Variants in RRAS2 observed in about 807,000 individuals in gnomAD.
The protein encoded by RRAS2 is RAS related 2, also known as ras-related protein R-Ras2.
RRAS2 carries 7 observed loss-of-function variants against 27.6 expected under a neutral mutation model. The observed-to-expected ratio is 0.25, with a 90% CI of 0.14 to 0.48. The LOEUF (loss-of-function observed/expected upper bound fraction) is 0.48. Ranked by LOEUF, RRAS2 falls within the 20% of genes least tolerant of loss-of-function variation. RRAS2 has a pLI of 0.99. For missense variants in RRAS2, 178 were observed against 256.2 expected, an observed-to-expected ratio of 0.69 and a Z score of 2.08; for synonymous variants, 86 against 90.9, an observed-to-expected ratio of 0.95 and a Z score of 0.31.
chr11:14,308,731 TA>T (rs1191151435), intron 1 of RRAS2, among the ~76,000 whole-genome samples: 22 of 152,328 alleles, frequency 1.4e-4, no homozygotes, highest in African/African-American at 4.3e-4. Context: ...AAGAGTTTTT[TA>T]CAAGGAGTAA....
At position 14,319,271 on chromosome 11, in the gene RRAS2, A is replaced by C. The variant is rs11828311; in HGVS notation, c.109-23416T>G. On this transcript the variant is annotated intron_variant, in intron 1 of 5. Transcript: ENST00000256196. ...TGGCAATAATGCCAAGCAGGAAAAG[A>C]AGCTTTTCCCAAGGTATGTGAGTAA... 9.9e-3 allele frequency among the ~76,000 whole-genome samples: 1,505 copies of C among 152,048 alleles called. 26 individuals are homozygous for C. Among genetic ancestry groups the C allele is most frequent in the African/African-American group, 0.035 (1,439 of 41,486 alleles).
chr11:14,302,198 A>ACTC (rs1554947532), intron 1 of RRAS2, among the ~76,000 whole-genome samples: 1 of 151,934 alleles, frequency 6.6e-6, no homozygotes, highest in Non-Finnish European at 1.5e-5. Flanking sequence ...CACTACACAC[A>ACTC]GATATCAGGT....
intron 4 of RRAS2, among the ~76,000 whole-genome samples, chr11:14,290,100 A>G (rs80247985): frequency 0.025 from 3,751 of 151,874 alleles, 60 homozygotes; most frequent in Non-Finnish European, 0.038. Flanking sequence ...TGGTAGAACA[A>G]CGTAAGTGTG....
chr11:14,361,058 G>A (rs1290530290), upstream of RRAS2, among the ~76,000 whole-genome samples: 2 of 152,018 alleles, frequency 1.3e-5, no homozygotes, highest in African/African-American at 2.4e-5. Context: ...GGCCGAGGGA[G>A]GCGGATTGCT....
At chr11:14,346,626 G>A (rs556714579) in intron 1 of RRAS2, among the ~76,000 whole-genome samples, 30 of 152,270 alleles carry the variant, frequency 2.0e-4, no homozygotes, top group African/African-American at 7.2e-4. Flanking sequence ...ACTTGGAAAT[G>A]TTCTTTAAAT....
intron 1 of RRAS2, chr11:14,354,269 C>T (rs1849025687): frequency 1.3e-5 from 2 of 152,140 alleles, no homozygotes; most frequent in Non-Finnish European, 2.9e-5. Context: ...CTAACCCCTA[C>T]CTACCTCAAA....
In RRAS2 at chr11:14,358,190, C is replaced by A. The variant is rs542119148; in HGVS notation, c.108+573G>T. 6.1e-6 allele frequency: 6 copies of A among 980,578 alleles called. No homozygotes were observed. The African/African-American group carries it at 1.1e-4, about 17-fold the overall frequency. 60.7% of individuals were successfully genotyped at this position (980,578 alleles called of 1,614,324 possible). ...CGGGGCATTATCACACACTCCCACC[C>A]GGACATATTACCTAAGAGAGTACTT... is the stretch of plus-strand genomic sequence containing the variant. On this transcript the variant is annotated intron_variant, in intron 1 of 5. Transcript: ENST00000256196. This position sits in a 1 kb window ranked among gnomAD's most constrained non-coding sequence, Gnocchi z 5.1.
Position 14,336,680 on chromosome 11 carries a change from T to A in RRAS2, c.108+22083A>T, listed in dbSNP as rs978997068. Reference sequence around the variant, plus strand: ...ATGCACAACAGTAGAAACTACCAAATCTGAAAAACAGAAAACACACTGAAG... The same window carrying A: ...ATGCACAACAGTAGAAACTACCAAAACTGAAAAACAGAAAACACACTGAAG... On this transcript the variant is annotated intron_variant, in intron 1 of 5. Coordinates refer to ENST00000256196, the MANE Select transcript of RRAS2 (RefSeq NM_012250.6). Among the ~76,000 whole-genome samples, 6 of 151,944 alleles carry A rather than the reference T, an allele frequency of 3.9e-5. No individual in the cohort carries two copies. The East Asian group carries it at 1.2e-3, about 29-fold the overall frequency.
intron 1 of RRAS2, chr11:14,308,374 A>G (rs1554948411): frequency 2.5e-6 from 1 of 395,542 alleles, no homozygotes; most frequent in African/African-American, 2.1e-5. Context: ...AGTCCCAGCT[A>G]TACAAACAAC....
chr11:14,354,221 T>TCATA (rs1849024309), intron 1 of RRAS2, among the ~76,000 whole-genome samples: 2 of 152,210 alleles, frequency 1.3e-5, no homozygotes, highest in South Asian at 2.1e-4. Context: ...GACTAACAGG[T>TCATA]CATAGGACTG....
intron 1 of RRAS2, among the ~76,000 whole-genome samples, chr11:14,339,662 A>G (rs1554953023): frequency 6.6e-6 from 1 of 152,214 alleles, no homozygotes; most frequent in African/African-American, 2.4e-5. Context: ...TTAAAAAGAA[A>G]GAAAGAAAAT....
At chr11:14,325,193 C>G (rs1488278798) in intron 1 of RRAS2, among the ~76,000 whole-genome samples, 1 of 152,202 alleles carries the variant, frequency 6.6e-6, no homozygotes, top group East Asian at 1.9e-4. Flanking sequence ...TTCACCACTT[C>G]CCAGCTTTGT....
At chr11:14,305,170 T>C (rs1591457463) in intron 1 of RRAS2, among the ~76,000 whole-genome samples, 1 of 151,980 alleles carries the variant, frequency 6.6e-6, no homozygotes, top group Non-Finnish European at 1.5e-5. Context: ...AGCTAATATA[T>C]ATGTATTACC....
intron 4 of RRAS2, among the ~76,000 whole-genome samples, chr11:14,289,977 C>T (rs1554945570): frequency 1.3e-5 from 2 of 152,154 alleles, no homozygotes; most frequent in African/African-American, 4.8e-5. Flanking sequence ...GTGTCGGCAA[C>T]AGAGAGCAAG....
intron 1 of RRAS2, among the ~76,000 whole-genome samples, chr11:14,334,758 C>T (rs1554952380): frequency 6.6e-6 from 1 of 152,096 alleles, no homozygotes; most frequent in African/African-American, 2.4e-5. Flanking sequence ...AATCAAATCT[C>T]CTCCAACCTT....
In RRAS2 at chr11:14,310,721, T is replaced by A. The variant is rs566532056; in HGVS notation, c.109-14866A>T. The stretch of plus-strand genomic sequence containing the variant: ...TGGGACTCAAAGAGGATGCTAATAA[T>A]AATTACATCAGGACAACAGGCATAA... On this transcript the variant is annotated intron_variant, in intron 1 of 5. Coordinates refer to ENST00000256196, the MANE Select transcript of RRAS2 (RefSeq NM_012250.6). Among the ~76,000 whole-genome samples the A allele has an allele frequency of 4.6e-5, 7 of 152,260 alleles. No individual in the cohort carries two copies. The East Asian group carries it at 1.3e-3, about 29-fold the overall frequency.
chr11:14,321,768 CTTGT>C (rs1848227602), intron 1 of RRAS2, among the ~76,000 whole-genome samples: 2 of 152,130 alleles, frequency 1.3e-5, no homozygotes, highest in South Asian at 4.1e-4. Context: ...TAAGCTCACC[CTTGT>C]TTGAGTGAGG....
At chr11:14,347,523 A>G (rs1334903735) in intron 1 of RRAS2, among the ~76,000 whole-genome samples, 2 of 152,246 alleles carry the variant, frequency 1.3e-5, no homozygotes, top group African/African-American at 4.8e-5. Context: ...ATGTTTAAAA[A>G]TATAAATCAT....
At chr11:14,280,954 C>T (rs10741645) in intron 5 of RRAS2, among the ~76,000 whole-genome samples, 149,776 of 152,250 alleles carry the variant, frequency 0.98, 73,708 homozygotes, top group Middle Eastern at 1. Context: ...CTTAAGCTTC[C>T]TGGAACCCGT....
Sources: gnomAD v4.1 joint callset for allele counts (sites outside exome capture counted in the v4.1 genomes callset) on GRCh38, gnomAD v4.1.1 for gene constraint, Gnocchi (gnomAD v3.1) non-coding constraint, MANE v1.5 for transcripts, NCBI Gene and HGNC (gene_info 2026-07-23, HGNC 2026-07-21) for gene names.